The following CNTLN variants were observed in gnomAD, a reference collection of about 807,000 sequenced individuals.
The protein encoded by CNTLN is centlein.
Under a neutral mutation model 180.0 loss-of-function variants are expected in CNTLN, and 212 were observed. The ratio of observed to expected loss-of-function variants is 1.18; its 90% CI spans 1.05 to 1.32. The LOEUF (loss-of-function observed/expected upper bound fraction) is 1.32, where lower values mean the gene tolerates loss of function less well. Among genes scored for constraint, CNTLN ranks in the 40% most tolerant of loss-of-function variants. The pLI is 0.00. For synonymous variants in CNTLN, 722 were observed against 563.1 expected (o/e 1.28, Z -3.99); for missense variants, 2,095 against 1,610.9 (o/e 1.30, Z -5.14).
chr9:17,365,238 A>T (rs980582425), intron 12 of CNTLN, among the ~76,000 whole-genome samples: 1 of 152,112 alleles, frequency 6.6e-6, no homozygotes, highest in African/African-American at 2.4e-5. Flanking sequence ...GTTGTTTAAA[A>T]GTGTGTAGCA....
chr9:17,291,916 T>C (rs2132700129), intron 6 of CNTLN, among the ~76,000 whole-genome samples: 1 of 152,350 alleles, frequency 6.6e-6, no homozygotes, highest in East Asian at 1.9e-4. Context: ...TACTTCAGTG[T>C]GTTTTTGCAG....
At chr9:17,249,258 T>C (rs1016571316) in intron 5 of CNTLN, among the ~76,000 whole-genome samples, 1 of 152,038 alleles carries the variant, frequency 6.6e-6, no homozygotes, top group Non-Finnish European at 1.5e-5. Context: ...TGGTATAGTT[T>C]TGTCGTGTTG....
At chr9:17,517,374 A>C in the CNTLN span, among the ~76,000 whole-genome samples, 2 of 151,814 alleles carry the variant, frequency 1.3e-5, no homozygotes, top group Non-Finnish European at 2.9e-5. Flanking sequence ...CCTGGGCAAC[A>C]GAGCGAGACT....
At chr9:17,302,185 T>A in intron 7 of CNTLN, 1 of 896,804 alleles carries the variant, frequency 1.1e-6, no homozygotes, top group Non-Finnish European at 1.3e-6. Context: ...AACATCATAT[T>A]AACCATATGC....
chr9:17,139,418 T>G (rs985966226), intron 1 of CNTLN, among the ~76,000 whole-genome samples: 1 of 151,442 alleles, frequency 6.6e-6, no homozygotes, highest in South Asian at 2.1e-4. Context: ...GACAGTAGTT[T>G]GGGAGGCTGA....
intron 7 of CNTLN, chr9:17,301,574 T>A: frequency 1.0e-6 from 1 of 984,998 alleles, no homozygotes; most frequent in Non-Finnish European, 1.2e-6. Flanking sequence ...GGGGCTTCAC[T>A]GATACTTAAG....
At chr9:17,454,387 G>A (rs1022805238) in intron 18 of CNTLN, among the ~76,000 whole-genome samples, 7 of 152,136 alleles carry the variant, frequency 4.6e-5, no homozygotes, top group Non-Finnish European at 1.0e-4. Flanking sequence ...ACTGTAGACG[G>A]ATTGCACTGC....
At chr9:17,501,262 C>G (rs575724985) in intron 25 of CNTLN, among the ~76,000 whole-genome samples, 1 of 152,300 alleles carries the variant, frequency 6.6e-6, no homozygotes, top group African/African-American at 2.4e-5. Flanking sequence ...AGGGAACAGA[C>G]ACAGACTCAG....
intron 23 of CNTLN, among the ~76,000 whole-genome samples, chr9:17,472,623 C>T (rs145940091): frequency 1.3e-5 from 2 of 152,222 alleles, no homozygotes; most frequent in Admixed American, 6.5e-5. Context: ...TTGTGTTACA[C>T]TGACTGGTAG....
At chr9:17,314,217 CGT>C (rs1819397813) in intron 8 of CNTLN, among the ~76,000 whole-genome samples, 2 of 151,840 alleles carry the variant, frequency 1.3e-5, no homozygotes, top group Non-Finnish European at 2.9e-5. Flanking sequence ...CTTTAAAATC[CGT>C]ATTTTCCTTC....
At chr9:17,370,026 A>G (rs904957416) in intron 13 of CNTLN, among the ~76,000 whole-genome samples, 2 of 152,082 alleles carry the variant, frequency 1.3e-5, no homozygotes, top group Admixed American at 1.3e-4. Flanking sequence ...AGATAAAAGA[A>G]TAAAAAACAA....
rs530033142 is a variant in CNTLN, at chr9:17,309,077, T to C, written c.1166T>C (p.Ile389Thr). ...SYQKLYNELH[I>T]CFETTKSNEA... is the part of the protein sequence containing the mutation. ...AAACAGCTTTACAATGAGTTACATA[T>C]TTGTTTTGAAACCACAAAATCAAAT... The change falls in exon 8 of 26, where the codon ATT becomes ACT. Residue 389 changes from isoleucine to threonine, a missense_variant. Physicochemically the swap from Ile to Thr is moderately conservative, Grantham distance 89 (BLOSUM62 -1). Transcript: ENST00000380647. 5.7e-6 allele frequency: 9 copies of C among 1,588,908 alleles called. No homozygotes were observed. Among genetic ancestry groups the C allele is most frequent in the African/African-American group, 1.4e-5 (1 of 73,304 alleles).
At chr9:17,363,786 T>G (rs1384240757) in intron 12 of CNTLN, among the ~76,000 whole-genome samples, 4 of 152,124 alleles carry the variant, frequency 2.6e-5, no homozygotes, top group Non-Finnish European at 5.9e-5. Flanking sequence ...TTTAATTCCT[T>G]GTATATATCT....
At chr9:17,511,753 C>T in the CNTLN span, among the ~76,000 whole-genome samples, 1 of 151,892 alleles carries the variant, frequency 6.6e-6, no homozygotes, top group Non-Finnish European at 1.5e-5. Context: ...TTATTAGGAG[C>T]CATTTCATGA....
chr9:17,201,637 T>TA (rs1822536988), intron 2 of CNTLN, among the ~76,000 whole-genome samples: 1 of 152,188 alleles, frequency 6.6e-6, no homozygotes, highest in Admixed American at 6.5e-5. Flanking sequence ...GTGTTTATGG[T>TA]ATTCTCTGAT....
In CNTLN at chr9:17,466,833, C is replaced by T. The variant is rs767064911; in HGVS notation, c.3797C>T (p.Ala1266Val). ...ALQSEQVLEG[A>V]QKTLLLANEK... is the part of the protein sequence containing the mutation. ...CAAAGTGAACAGGTCCTAGAAGGTG[C>T]ACAGAAGACATTGCTGTTAGCCAAT... The change falls in exon 23 of 26, where the codon GCA (alanine) becomes GTA (valine). Residue 1266 changes from alanine (A) to valine (V), a missense_variant. Physicochemically the swap from Ala to Val is moderately conservative, Grantham distance 64. Transcript: ENST00000380647. The T allele has an allele frequency of 6.2e-7, 1 of 1,610,592 alleles. No homozygotes were observed. The highest frequency in any genetic ancestry group is 8.5e-7 in the Non-Finnish European group (1 of 1,177,646).
chr9:17,301,603 T>C, intron 7 of CNTLN: 1 of 983,728 alleles, frequency 1.0e-6, no homozygotes, highest in South Asian at 4.7e-5. Flanking sequence ...CACTTTGAAA[T>C]TGTACCTCCC....
chr9:17,291,395 A>G (rs1442490065), intron 6 of CNTLN, among the ~76,000 whole-genome samples: 2 of 152,120 alleles, frequency 1.3e-5, no homozygotes, highest in Admixed American at 1.3e-4. Context: ...TCTAATATTG[A>G]CAGTGGGGTG....
At chr9:17,523,325 G>T in the CNTLN span, among the ~76,000 whole-genome samples, 9 of 152,028 alleles carry the variant, frequency 5.9e-5, no homozygotes, top group Non-Finnish European at 1.3e-4. Context: ...CAACCTCCGC[G>T]TCCTGGTTCA....
Sources: allele counts gnomAD v4.1 joint callset (sites outside exome capture counted in the v4.1 genomes callset), GRCh38; gene constraint gnomAD v4.1.1; transcripts MANE v1.5; gene names NCBI Gene and HGNC (gene_info 2026-07-23, HGNC 2026-07-21).